Variants in TRIM36 observed in about 807,000 individuals in gnomAD.
The protein encoded by TRIM36 is tripartite motif containing 36.
A neutral mutation model predicts 72.4 loss-of-function variants in TRIM36; 42 were observed. The ratio of observed to expected loss-of-function variants is 0.58; its 90% CI spans 0.45 to 0.75. The LOEUF (loss-of-function observed/expected upper bound fraction) is 0.75, where lower values mean the gene tolerates loss of function less well. Ranked by LOEUF, TRIM36 falls within the 30% of genes least tolerant of loss-of-function variation. The probability of loss-of-function intolerance (pLI) is 0.00; values close to 1 mark genes in which losing one functional copy is unlikely to be tolerated. For missense variants in TRIM36, 913 were observed against 857.1 expected (o/e 1.07, Z -0.81); for synonymous variants, 315 against 282.8 (o/e 1.11, Z -1.14).
chr5:115,152,249 T>C (rs1753931722), intron 2 of TRIM36, among the ~76,000 whole-genome samples: 1 of 152,080 alleles, frequency 6.6e-6, no homozygotes, highest in African/African-American at 2.4e-5. Context: ...AGTAACAGAA[T>C]TGAACAAGTA....
intron 2 of TRIM36, among the ~76,000 whole-genome samples, chr5:115,148,107 AC>A (rs1320150768): frequency 6.6e-6 from 1 of 152,156 alleles, no homozygotes; most frequent in Non-Finnish European, 1.5e-5. Flanking sequence ...TCATTCATAG[AC>A]CTATAATTTA....
upstream of TRIM36, chr5:115,171,317 G>C: frequency 6.5e-7 from 1 of 1,538,746 alleles, no homozygotes; most frequent in Non-Finnish European, 8.8e-7. Context: ...AACAGAGGAC[G>C]AAAGCTTTGC....
intron 2 of TRIM36, chr5:115,159,493 C>A (rs989691351): frequency 2.6e-5 from 7 of 267,384 alleles, no homozygotes; most frequent in Admixed American, 1.0e-4. Context: ...GTCCTGTTGA[C>A]CTTTAAGTCG....
intron 2 of TRIM36, among the ~76,000 whole-genome samples, chr5:115,162,456 G>A (rs1028609508): frequency 6.6e-5 from 10 of 152,122 alleles, no homozygotes; most frequent in African/African-American, 2.4e-4. Context: ...TACCATGTCA[G>A]GTAAATTCCT....
intron 5 of TRIM36, among the ~76,000 whole-genome samples, 174 bp downstream of exon 5, chr5:115,141,105 C>T (rs1343094088): frequency 6.6e-6 from 1 of 152,168 alleles, no homozygotes; most frequent in Non-Finnish European, 1.5e-5. Flanking sequence ...GACCACACAA[C>T]ATTATAATTC....
intron 2 of TRIM36, among the ~76,000 whole-genome samples, chr5:115,148,113 AATTT>A (rs1753689868): frequency 6.6e-6 from 1 of 152,216 alleles, no homozygotes; most frequent in South Asian, 2.1e-4. Context: ...ATAGACCTAT[AATTT>A]AGTGATTTTT....
At chr5:115,174,738 C>G (rs985575047), upstream of TRIM36, among the ~76,000 whole-genome samples, 5 of 152,166 alleles carry the variant, frequency 3.3e-5, no homozygotes, top group Admixed American at 3.3e-4. Context: ...AACACAAATA[C>G]CTAGTCTTTG....
chr5:115,172,751 T>C (rs1580714472), upstream of TRIM36, among the ~76,000 whole-genome samples: 1 of 148,678 alleles, frequency 6.7e-6, no homozygotes, highest in Non-Finnish European at 1.5e-5. Context: ...AAAAAAAAAG[T>C]ACAAAACCAT....
In TRIM36 at chr5:115,147,104, C is replaced by T. The variant is rs1184093537; in HGVS notation, c.553G>A (p.Glu185Lys). 1 of 1,614,104 alleles carries T rather than the reference C, an allele frequency of 6.2e-7. No individual in the cohort carries two copies. Among genetic ancestry groups the T allele is most frequent in the Non-Finnish European group, 8.5e-7 (1 of 1,179,980 alleles). ...HPWGTIKAQH[E>K]YVGPTTNFRP... Reference sequence around the variant, plus strand: ...AAGTTAGTAGTTGGACCAACATACTCATGTTGAGCTTTTATAGTACCCCAA... The same window carrying T: ...AAGTTAGTAGTTGGACCAACATACTTATGTTGAGCTTTTATAGTACCCCAA... Residue 185 changes from glutamate to lysine, a missense_variant, in exon 3 of 10, where the codon GAG becomes AAG. Glu to Lys is a moderately conservative substitution (Grantham distance 56). Transcript: ENST00000513154.
At chr5:115,151,802 C>T (rs1753909589) in intron 2 of TRIM36, among the ~76,000 whole-genome samples, 2 of 152,154 alleles carry the variant, frequency 1.3e-5, no homozygotes, top group African/African-American at 2.4e-5. Context: ...CAACTCGACT[C>T]CCAGGAAGGC....
chr5:115,135,607 T>A (rs1317835304), intron 7 of TRIM36, among the ~76,000 whole-genome samples: 2 of 152,130 alleles, frequency 1.3e-5, no homozygotes, highest in Admixed American at 6.6e-5. Flanking sequence ...TAACCCAGGA[T>A]AACCCACCCT....
intron 2 of TRIM36, among the ~76,000 whole-genome samples, chr5:115,160,492 A>C (rs1167929826): frequency 6.6e-6 from 1 of 152,174 alleles, no homozygotes; most frequent in East Asian, 1.9e-4. Flanking sequence ...ACATGTGGCT[A>C]GTGGCTACCA....
At chr5:115,128,519 G>C (rs1252161371) in intron 9 of TRIM36, among the ~76,000 whole-genome samples, 1 of 151,570 alleles carries the variant, frequency 6.6e-6, no homozygotes, top group Non-Finnish European at 1.5e-5. Context: ...TTGGGAGGCT[G>C]AGGCGGGTGG....
At chr5:115,170,258 G>T (rs1755038832), upstream of TRIM36, among the ~76,000 whole-genome samples, 1 of 152,146 alleles carries the variant, frequency 6.6e-6, no homozygotes, top group Non-Finnish European at 1.5e-5. Flanking sequence ...GCCGGGGCGG[G>T]GAGGCTCCGC....
In TRIM36 at chr5:115,134,167, G is replaced by C; in HGVS notation, c.1211-20C>G. ...CTATGCCTGAAAGAATTATGAAATA[G>C]AAAACAACATTAAAATATTGACATT... On this transcript the variant is annotated intron_variant, in intron 7 of 9. Transcript: ENST00000513154. 1 of 1,524,058 alleles carries C rather than the reference G, an allele frequency of 6.6e-7. No individual in the cohort carries two copies. The highest frequency in any genetic ancestry group is 1.3e-5 in the South Asian group (1 of 74,588). 94.4% of individuals were successfully genotyped at this position (1,524,058 alleles called of 1,614,324 possible). A position where few individuals can be genotyped will look rare whatever the true frequency, so the allele number is the denominator to read the frequency against.
rs61003916 is a variant in TRIM36 at position 115,128,369 on chromosome 5, CAA to C, written c.1797-1514_1797-1513del. 5.5e-3 allele frequency among the ~76,000 whole-genome samples: 769 copies of C among 139,394 alleles called. 5 individuals carry two copies. The highest frequency in any genetic ancestry group is 5.7e-3 in the African/African-American group (216 of 37,836). The allele number at this position is 139,394 out of a possible 152,430, so 91.4% of individuals were successfully genotyped here. Reference sequence around the variant, plus strand: ...GGGCAACAAAAGCGAAACTCCATCTCAAAAAAAAAAAAAAATGTATATAGATG... The same window carrying C: ...GGGCAACAAAAGCGAAACTCCATCTCAAAAAAAAAAAAATGTATATAGATG... On this transcript the variant is annotated intron_variant, in intron 9 of 9. Transcript: ENST00000513154.
At chr5:115,168,655 A>C (rs1277235171) in intron 1 of TRIM36, among the ~76,000 whole-genome samples, 1 of 152,224 alleles carries the variant, frequency 6.6e-6, no homozygotes, top group Non-Finnish European at 1.5e-5. Flanking sequence ...CAAATATGTG[A>C]TGAAGAGCCA....
Position 115,163,738 on chromosome 5 carries a change from A to G in TRIM36, c.42T>C (p.Asn14=), listed in dbSNP as rs151147288. ...CTGGGCAAATGAGCTCCCTTTCGAT[A>G]TTCTTAATGGTAACCTTGAGAGTAA... ...DGSDSPVTIK[N]IERELICPAC... The change falls in exon 2 of 10, where the codon AAT becomes AAC. Residue 14 remains asparagine, a synonymous_variant. Transcript: ENST00000513154. 4.4e-4 allele frequency: 705 copies of G among 1,614,138 alleles called. 7 individuals are homozygous for G. In the African/African-American group the frequency reaches 8.5e-3, roughly 19 times the overall value.
intron 1 of TRIM36, among the ~76,000 whole-genome samples, chr5:115,176,474 T>C (rs1409535183): frequency 6.6e-6 from 1 of 151,756 alleles, no homozygotes; most frequent in Non-Finnish European, 1.5e-5. Flanking sequence ...AAATTAAATA[T>C]AAGATTTACA....
Sources: allele counts gnomAD v4.1 joint callset (sites outside exome capture counted in the v4.1 genomes callset), GRCh38; gene constraint gnomAD v4.1.1; transcripts MANE v1.5; gene names NCBI Gene and HGNC (gene_info 2026-07-23, HGNC 2026-07-21).